Variants in ST3GAL3 observed in about 807,000 individuals in gnomAD.
ST3GAL3 encodes ST3 beta-galactoside alpha-2,3-sialyltransferase 3, also known as CMP-N-acetylneuraminate-beta-1,4-galactoside alpha-2,3-sialyltransferase.
ST3GAL3 carries 21 observed loss-of-function variants against 50.1 expected under a neutral mutation model. The observed-to-expected ratio is 0.42, with a 90% CI of 0.30 to 0.60. The LOEUF (loss-of-function observed/expected upper bound fraction) is 0.60. ST3GAL3 is among the 20% of genes least tolerant of loss of function. ST3GAL3 has a pLI of 0.19. For missense variants in ST3GAL3, 353 were observed against 489.4 expected, an observed-to-expected ratio of 0.72 and a Z score of 2.63; for synonymous variants, 183 against 190.0, an observed-to-expected ratio of 0.96 and a Z score of 0.30.
chr1:43,782,400 G>A (rs1299540251), intron 2 of ST3GAL3, among the ~76,000 whole-genome samples: 6 of 152,090 alleles, frequency 3.9e-5, no homozygotes, highest in African/African-American at 9.7e-5. Context: ...ACACACTGCC[G>A]CTAGAATGGT....
intron 9 of ST3GAL3, among the ~76,000 whole-genome samples, chr1:43,902,045 C>T (rs999599231): frequency 2.6e-5 from 4 of 152,242 alleles, no homozygotes; most frequent in Non-Finnish European, 5.9e-5. Flanking sequence ...CTAATGCCTT[C>T]CCAGGACCTC....
chr1:43,833,825 T>G (rs530045087), intron 4 of ST3GAL3, among the ~76,000 whole-genome samples: 1 of 152,234 alleles, frequency 6.6e-6, no homozygotes, highest in South Asian at 2.1e-4. Flanking sequence ...GGAAGTATCA[T>G]GGAAAGTTCG....
At chr1:43,904,165 C>T (rs1375723573) in intron 9 of ST3GAL3, among the ~76,000 whole-genome samples, 1 of 152,100 alleles carries the variant, frequency 6.6e-6, no homozygotes, top group Non-Finnish European at 1.5e-5. Context: ...GACAAGGAGC[C>T]TCCTGGTGAA....
At chr1:43,903,171 A>G (rs2078583498) in intron 9 of ST3GAL3, among the ~76,000 whole-genome samples, 1 of 152,102 alleles carries the variant, frequency 6.6e-6, no homozygotes, top group South Asian at 2.1e-4. Context: ...TGGATCAAGC[A>G]TGAGGGTGGT....
intron 9 of ST3GAL3, among the ~76,000 whole-genome samples, chr1:43,918,775 A>G (rs1442853774): frequency 6.6e-6 from 1 of 152,154 alleles, no homozygotes; most frequent in Non-Finnish European, 1.5e-5. Context: ...TTAAACCTGT[A>G]CATTAATCTG....
At chr1:43,731,973 C>T (rs984879654) in intron 1 of ST3GAL3, among the ~76,000 whole-genome samples, 14 of 152,278 alleles carry the variant, frequency 9.2e-5, no homozygotes, top group African/African-American at 2.4e-4. Context: ...TCATGGCGCC[C>T]GGCCCTTAAT....
At chr1:43,868,040 A>G (rs1415883550) in intron 5 of ST3GAL3, among the ~76,000 whole-genome samples, 1 of 152,230 alleles carries the variant, frequency 6.6e-6, no homozygotes, top group African/African-American at 2.4e-5. Flanking sequence ...TACAAAAGTA[A>G]TCATATCTGT....
intron 3 of ST3GAL3, among the ~76,000 whole-genome samples, chr1:43,792,453 A>T (rs558997183): frequency 3.9e-5 from 6 of 152,238 alleles, no homozygotes; most frequent in Non-Finnish European, 8.8e-5. Flanking sequence ...CTGTCTCAGA[A>T]GGTGGGGCAG....
In ST3GAL3 at chr1:43,791,576, A is replaced by G. The variant is rs1021506233; in HGVS notation, c.119-526A>G. On this transcript the variant is annotated intron_variant, in intron 2 of 11. Transcript: ENST00000347631. Reference sequence around the variant, plus strand: ...CATGGCATGCATTTTGTGCACTAACATTTCCCCAACTATATAGTCTTTTTC... The same window carrying G: ...CATGGCATGCATTTTGTGCACTAACGTTTCCCCAACTATATAGTCTTTTTC... Among the ~76,000 whole-genome samples the G allele has an allele frequency of 3.3e-5, 5 of 152,248 alleles. No homozygotes were observed. In the East Asian group the frequency reaches 9.7e-4, roughly 29 times the overall value.
chr1:43,721,954 AACAG>A (rs200681522), intron 1 of ST3GAL3, among the ~76,000 whole-genome samples: 1,524 of 152,136 alleles, frequency 0.01, 29 homozygotes, highest in African/African-American at 0.036. Flanking sequence ...TCAGTTAGTC[AACAG>A]ACAGTTTTTG....
At chr1:43,763,424 A>G (rs1691305282) in intron 2 of ST3GAL3, among the ~76,000 whole-genome samples, 1 of 152,022 alleles carries the variant, frequency 6.6e-6, no homozygotes, top group Non-Finnish European at 1.5e-5. Flanking sequence ...GTATTCTGTT[A>G]TTCTTTCTAA....
At chr1:43,814,693 G>A (rs2061026184) in intron 3 of ST3GAL3, among the ~76,000 whole-genome samples, 198 bp from the exon 4 acceptor site, 1 of 152,194 alleles carries the variant, frequency 6.6e-6, no homozygotes, top group Non-Finnish European at 1.5e-5. Flanking sequence ...GAAATACCTG[G>A]CATTGAACTT....
At chr1:43,906,271 C>CCTG (rs2079638908) in intron 9 of ST3GAL3, among the ~76,000 whole-genome samples, 1 of 108,810 alleles carries the variant, frequency 9.2e-6, no homozygotes, top group Non-Finnish European at 2.0e-5. Context: ...GACTCCTCCT[C>CCTG]CTCCTCTTCC....
intron 1 of ST3GAL3, among the ~76,000 whole-genome samples, chr1:43,714,537 G>A (rs529235721): frequency 4.6e-5 from 7 of 152,020 alleles, no homozygotes; most frequent in South Asian, 4.2e-4. Flanking sequence ...CCTGGGAGGC[G>A]GAGGTTGCAG....
chr1:43,912,622 T>A (rs1409449445), intron 9 of ST3GAL3: 1 of 152,118 alleles, frequency 6.6e-6, no homozygotes, highest in African/African-American at 2.4e-5. Flanking sequence ...GCAGGGAGCA[T>A]AGGCGTGGAC....
intron 5 of ST3GAL3, chr1:43,838,565 G>A: frequency 4.5e-6 from 2 of 446,140 alleles, no homozygotes; most frequent in Non-Finnish European, 8.4e-6. Flanking sequence ...CTACATGGTT[G>A]CCGCATGCAA....
chr1:43,898,318 G>T lies in ST3GAL3; in HGVS notation c.461+20G>T. ...GGACAGGTGAGCCACACACTGTGCA[G>T]CCTCCTACCCACCGCTGCCTGGTGG... is the stretch of plus-strand genomic sequence containing the variant. On this transcript the variant is annotated intron_variant, in intron 7 of 11. Coordinates refer to ENST00000347631, the MANE Select transcript of ST3GAL3 (RefSeq NM_006279.5). 1 of 1,612,446 alleles carries T rather than the reference G, an allele frequency of 6.2e-7. No homozygotes were observed.
At chr1:43,767,017 C>T (rs543668729) in intron 2 of ST3GAL3, among the ~76,000 whole-genome samples, 19 of 152,112 alleles carry the variant, frequency 1.2e-4, no homozygotes, top group Admixed American at 2.0e-4. Flanking sequence ...CTGAGTTAGG[C>T]GGAAGCAGCT....
intron 2 of ST3GAL3, among the ~76,000 whole-genome samples, chr1:43,741,328 C>T (rs139807697): frequency 6.6e-6 from 1 of 152,240 alleles, no homozygotes; most frequent in East Asian, 1.9e-4. Context: ...CAGAGTGAGA[C>T]CCTGTCTCAA....
Sources: gnomAD v4.1 joint callset for allele counts (sites outside exome capture counted in the v4.1 genomes callset) on GRCh38, gnomAD v4.1.1 for gene constraint, MANE v1.5 for transcripts, NCBI Gene and HGNC (gene_info 2026-07-23, HGNC 2026-07-21) for gene names.